HNF1B: variants seen among roughly 807,000 people sequenced by gnomAD.
HNF1B encodes the protein hepatocyte nuclear factor 1-beta.
A neutral mutation model predicts 61.7 loss-of-function variants in HNF1B; 8 were observed. That is an observed-to-expected ratio of 0.13 (90% CI 0.08 to 0.23). The LOEUF is 0.23. Ranked by LOEUF, HNF1B falls within the 10% of genes least tolerant of loss-of-function variation. HNF1B has a pLI of 1.00. For synonymous variants in HNF1B, 314 were observed against 287.7 expected (o/e 1.09, Z -0.93); for missense variants, 562 against 714.5 (o/e 0.79, Z 2.43).
At chr17:37,740,662 A>T (rs1376934517) in intron 1 of HNF1B, among the ~76,000 whole-genome samples, 1 of 152,012 alleles carries the variant, frequency 6.6e-6, no homozygotes, top group East Asian at 1.9e-4. Context: ...CCACAGCTCC[A>T]CCTTCCAGAC....
intron 4 of HNF1B, among the ~76,000 whole-genome samples, chr17:37,718,543 G>A (rs773727202): frequency 3.3e-5 from 5 of 152,182 alleles, no homozygotes; most frequent in African/African-American, 4.8e-5. Flanking sequence ...ACCGCTCCTT[G>A]CTAGGGGGTC....
Position 37,690,200 on chromosome 17 carries a change from T to A in HNF1B, c.1654-2808A>T, listed in dbSNP as rs996251118. Among the ~76,000 whole-genome samples the A allele has an allele frequency of 3.3e-5, 5 of 151,938 alleles. No homozygotes were observed. In the East Asian group the frequency reaches 7.7e-4, roughly 24 times the overall value. On this transcript the variant is annotated intron_variant, in intron 8 of 8. Transcript: ENST00000617811. ...AAGTGAAGGGGCAAGCATGTAAAAA[T>A]GCACAGAAAAAAAGAGCTCCAGGCA...
At chr17:37,720,108 C>T (rs765072627) in intron 4 of HNF1B, among the ~76,000 whole-genome samples, 1 of 152,150 alleles carries the variant, frequency 6.6e-6, no homozygotes, top group Non-Finnish European at 1.5e-5. Flanking sequence ...TCAGGGAGCA[C>T]CACCAGAGAC....
chr17:37,728,534 C>T (rs1467196323), intron 4 of HNF1B: 3 of 151,688 alleles, frequency 2.0e-5, no homozygotes, highest in Non-Finnish European at 2.9e-5. Flanking sequence ...CCTCGATCTC[C>T]TGACTTCGTG....
chr17:37,737,846 T>C (rs1598846957), intron 2 of HNF1B, among the ~76,000 whole-genome samples: 1 of 151,782 alleles, frequency 6.6e-6, no homozygotes, highest in East Asian at 1.9e-4. Flanking sequence ...AAAAGTTAAA[T>C]AAATAAATAA....
chr17:37,717,854 C>T (rs1418926182), intron 4 of HNF1B, among the ~76,000 whole-genome samples: 9 of 152,184 alleles, frequency 5.9e-5, no homozygotes, highest in African/African-American at 2.2e-4. Flanking sequence ...ATTTCCTCCT[C>T]TGAGAGGATA....
intron 4 of HNF1B, among the ~76,000 whole-genome samples, chr17:37,710,885 A>T (rs1293379067): frequency 6.6e-6 from 1 of 152,186 alleles, no homozygotes; most frequent in East Asian, 1.9e-4. Context: ...GGAAATTTTT[A>T]TCTCGTTTGT....
chr17:37,691,460 C>A lies in HNF1B; in HGVS notation c.1654-4068G>T, dbSNP rs116847229. ...CTATGTAAGAGCACTTCTTTCAACC[C>A]CCTCAACACGGGGAAATAAATGCCC... On this transcript the variant is annotated intron_variant, in intron 8 of 8. Transcript: ENST00000617811. Among the ~76,000 whole-genome samples, 5 of 152,232 alleles carry A rather than the reference C, an allele frequency of 3.3e-5. No individual in the cohort carries two copies. In the South Asian group the frequency reaches 6.2e-4, roughly 19 times the overall value.
At chr17:37,696,270 CA>C (rs202236067) in intron 8 of HNF1B, among the ~76,000 whole-genome samples, 3 of 151,442 alleles carry the variant, frequency 2.0e-5, no homozygotes, top group African/African-American at 7.3e-5. Flanking sequence ...CATGGCAAAA[CA>C]AAAAAAATGC....
intron 4 of HNF1B, among the ~76,000 whole-genome samples, chr17:37,724,936 GTATA>G (rs879391778): frequency 1.1e-4 from 8 of 71,900 alleles, no homozygotes; most frequent in Non-Finnish European, 2.5e-4. Context: ...GTGTGTGTGT[GTATA>G]TATATATAAT....
intron 8 of HNF1B, among the ~76,000 whole-genome samples, chr17:37,697,409 AGAG>A (rs1375393006): frequency 6.6e-6 from 1 of 152,164 alleles, no homozygotes; most frequent in Non-Finnish European, 1.5e-5. Flanking sequence ...TGTCCAATGG[AGAG>A]GAGAAGCCAG....
chr17:37,722,116 A>G (rs1354969447), intron 4 of HNF1B, among the ~76,000 whole-genome samples: 1 of 152,172 alleles, frequency 6.6e-6, no homozygotes, highest in Non-Finnish European at 1.5e-5. Context: ...AGAACCACAG[A>G]TCTTGCCAAT....
At position 37,694,438 on chromosome 17, in the gene HNF1B, GCCCCCC is replaced by G. The variant is rs199518020; in HGVS notation, c.1653+4632_1653+4637del. ...CAAAACTCCATCCCCCCGCCCCGCC[GCCCCCC>G]CCCCCCCCCGCAAAAAAAAAAGATA... On this transcript the variant is annotated intron_variant, in intron 8 of 8. Transcript: ENST00000617811. 7.5e-4 allele frequency among the ~76,000 whole-genome samples: 22 copies of G among 29,436 alleles called. 1 individual carries two copies. The highest frequency in any genetic ancestry group is 2.8e-3 in the African/African-American group (21 of 7,444). 19.3% of individuals were successfully genotyped at this position (29,436 alleles called of 152,430 possible).
Position 37,744,897 on chromosome 17 carries a change from G to T in HNF1B, c.-13C>A. On this transcript the variant is annotated 5_prime_UTR_variant, in exon 1 of 9. Transcript: ENST00000617811. ...GCTTGGACACCATTTTCCAAGGACG[G>T]AAAAAGAAGGGGGTGAGGGGGTGGG... 6 of 459,374 alleles carry T rather than the reference G, an allele frequency of 1.3e-5. No individual in the cohort carries two copies. The highest frequency in any genetic ancestry group is 1.9e-5 in the Non-Finnish European group (5 of 267,848). The allele number at this position is 459,374 out of a possible 1,614,324, so 28.5% of individuals were successfully genotyped here.
At chr17:37,705,123 C>T in intron 5 of HNF1B, 74 bp from the exon 6 acceptor site, 3 of 1,440,466 alleles carry the variant, frequency 2.1e-6, no homozygotes, top group Non-Finnish European at 2.9e-6. Context: ...CACGATGTGA[C>T]TTAGCGATTC....
chr17:37,722,563 T>C (rs1477618639), intron 4 of HNF1B, among the ~76,000 whole-genome samples: 1 of 152,180 alleles, frequency 6.6e-6, no homozygotes, highest in Non-Finnish European at 1.5e-5. Flanking sequence ...AGGCTTCCCT[T>C]GGGAAAGTCT....
intron 4 of HNF1B, among the ~76,000 whole-genome samples, chr17:37,713,386 G>A (rs183028886): frequency 2.9e-4 from 44 of 152,312 alleles, no homozygotes; most frequent in African/African-American, 9.9e-4. Context: ...ATTTCCGCAG[G>A]AAACAAAAGG....
rs773505704 is a variant in HNF1B, at chr17:37,744,639, G to A, written c.246C>T (p.Asp82=). The A allele has an allele frequency of 2.5e-6, 4 of 1,612,232 alleles. No homozygotes were observed. In the East Asian group the frequency reaches 6.7e-5, roughly 27 times the overall value. Residue 82 remains aspartate, a synonymous_variant, in exon 1 of 9, where the codon GAC becomes GAT. Transcript: ENST00000617811. ...GRLSGDEGSE[D]GDDYDTPPIL... is the part of the protein sequence containing the mutation. Reference sequence around the variant, plus strand: ...TGGGAGGTGTGTCATAGTCGTCGCCGTCCTCGGAGCCCTCGTCGCCGGACA... The same window carrying A: ...TGGGAGGTGTGTCATAGTCGTCGCCATCCTCGGAGCCCTCGTCGCCGGACA...
intron 5 of HNF1B, among the ~76,000 whole-genome samples, chr17:37,707,660 T>C (rs150180052): frequency 2.0e-5 from 3 of 152,320 alleles, no homozygotes; most frequent in Non-Finnish European, 2.9e-5. Context: ...AGTGGTAGAA[T>C]TGGGGTTGAA....
Sources: allele counts gnomAD v4.1 joint callset (sites outside exome capture counted in the v4.1 genomes callset), GRCh38; gene constraint gnomAD v4.1.1; transcripts MANE v1.5; gene names NCBI Gene and HGNC (gene_info 2026-07-23, HGNC 2026-07-21).